PLCB1: variants seen among roughly 807,000 people sequenced by gnomAD.
PLCB1 encodes the protein 1-phosphatidylinositol 4,5-bisphosphate phosphodiesterase beta-1.
Under a neutral mutation model 161.8 loss-of-function variants are expected in PLCB1, and 46 were observed. That is an observed-to-expected ratio of 0.28 (90% CI 0.22 to 0.36). PLCB1 has a LOEUF of 0.36. Ranked by LOEUF, PLCB1 falls within the 10% of genes least tolerant of loss-of-function variation. PLCB1 has a pLI of 1.00. For synonymous variants in PLCB1, 517 were observed against 503.7 expected (o/e 1.03, Z -0.35); for missense variants, 1,016 against 1,472.5 (o/e 0.69, Z 5.07).
chr20:8,740,382 C>A lies in PLCB1; in HGVS notation c.2347C>A (p.Pro783Thr), dbSNP rs1980812475. 1.9e-6 allele frequency: 3 copies of A among 1,609,070 alleles called. No homozygotes were observed. The South Asian group carries it at 3.3e-5, about 18-fold the overall frequency. ...CTGTCTAAGGAATGAAAGGAACCAG[C>A]CTCTGACGCTGCCTGCTGTCTTTGT... ...YICLRNERNQ[P>T]LTLPAVFVYI... is the part of the protein sequence containing the mutation. The change falls in exon 22 of 32, where the codon CCT (proline) becomes ACT (threonine). Residue 783 changes from proline to threonine, a missense_variant. Physicochemically the swap from Pro to Thr is conservative, Grantham distance 38. Around this residue, in one of 10 missense-constraint regions of PLCB1, gnomAD observed 75 missense variants for 117.0 expected, o/e 0.64. Coordinates refer to ENST00000338037, the MANE Select transcript of PLCB1 (RefSeq NM_015192.4).
rs111947088 is a variant in PLCB1, at chr20:8,267,053, A to G, written c.178-104329A>G. Among the ~76,000 whole-genome samples the G allele has an allele frequency of 1.6e-3, 240 of 147,084 alleles. 1 individual carries two copies. The highest frequency in any genetic ancestry group is 4.0e-3 in the African/African-American group (150 of 37,932). On this transcript the variant is annotated intron_variant, in intron 2 of 31. Coordinates refer to ENST00000338037, the MANE Select transcript of PLCB1 (RefSeq NM_015192.4). The stretch of plus-strand genomic sequence containing the variant: ...ACTTCGTCTAAAAAAAAAAAAAGGG[A>G]AAAAAAAAGAATGGGTACATCTGGG...
intron 2 of PLCB1, among the ~76,000 whole-genome samples, chr20:8,198,652 T>G (rs2052055614): frequency 6.6e-6 from 1 of 152,042 alleles, no homozygotes; most frequent in Admixed American, 6.6e-5. Context: ...CCGTATTTCT[T>G]TTCTTTTTTT....
intron 3 of PLCB1, among the ~76,000 whole-genome samples, chr20:8,486,787 G>T (rs1266697214): frequency 2.0e-5 from 3 of 152,092 alleles, no homozygotes; most frequent in Non-Finnish European, 4.4e-5. Context: ...GAGCCACCGC[G>T]CCCGGCCTCC....
chr20:8,407,994 G>T (rs1978861269), intron 3 of PLCB1, among the ~76,000 whole-genome samples: 1 of 152,162 alleles, frequency 6.6e-6, no homozygotes, highest in South Asian at 2.1e-4. Context: ...GGCATGATGA[G>T]TAAATGCAAT....
chr20:8,585,234 A>C (rs1986953796), intron 3 of PLCB1, among the ~76,000 whole-genome samples: 1 of 152,124 alleles, frequency 6.6e-6, no homozygotes, highest in East Asian at 1.9e-4. Flanking sequence ...AGGTCTTTTC[A>C]GACATTCCTT....
chr20:8,457,716 A>G (rs2018356), intron 3 of PLCB1, among the ~76,000 whole-genome samples: 224 of 30,804 alleles, frequency 7.3e-3, no homozygotes, highest in South Asian at 0.015. Context: ...GTGTGCGCGC[A>G]CACACACACA....
rs3886935 is a variant in PLCB1, at chr20:8,760,600, C to T, written c.2710+140C>T. 536,886 of 567,132 alleles carry T rather than the reference C, an allele frequency of 0.95. 254,868 individuals carry two copies. The highest frequency in any genetic ancestry group is 1 in the East Asian group (33,790 of 33,810). The allele number at this position is 567,132 out of a possible 1,614,324, so 35.1% of individuals were successfully genotyped here. On this transcript the variant is annotated intron_variant, in intron 25 of 31. Coordinates refer to ENST00000338037, the MANE Select transcript of PLCB1 (RefSeq NM_015192.4). ...TTCTTCTAAAAAATCTAGAGACATA[C>T]ACTTTTAGTTTAGTCTACATGATAT...
chr20:8,542,584 G>A (rs769053495), intron 3 of PLCB1, among the ~76,000 whole-genome samples: 4 of 152,132 alleles, frequency 2.6e-5, no homozygotes, highest in African/African-American at 7.2e-5. Context: ...TGTTGAGAGC[G>A]GGGGAGAAAA....
intron 4 of PLCB1, among the ~76,000 whole-genome samples, chr20:8,638,951 T>G (rs1022625670): frequency 6.6e-6 from 1 of 151,358 alleles, no homozygotes; most frequent in Non-Finnish European, 1.5e-5. Context: ...ATTTTTAATT[T>G]GTGTTTTGTT....
At chr20:8,453,991 ACT>A (rs1432077578) in intron 3 of PLCB1, among the ~76,000 whole-genome samples, 1 of 152,132 alleles carries the variant, frequency 6.6e-6, no homozygotes, top group African/African-American at 2.4e-5. Flanking sequence ...GAGCTCACTC[ACT>A]CTGTGCACAC....
chr20:8,173,952 A>G (rs1468790482), intron 2 of PLCB1, among the ~76,000 whole-genome samples: 4 of 152,200 alleles, frequency 2.6e-5, no homozygotes, highest in Non-Finnish European at 1.5e-5. Flanking sequence ...TCTGAACAAC[A>G]GAAGAGATAA....
chr20:8,276,745 G>A (rs1374746726), intron 2 of PLCB1, among the ~76,000 whole-genome samples: 1 of 151,956 alleles, frequency 6.6e-6, no homozygotes, highest in Non-Finnish European at 1.5e-5. Context: ...CATCCTTTGT[G>A]CCCATCTTCA....
chr20:8,148,792 A>C (rs189565131), intron 1 of PLCB1, among the ~76,000 whole-genome samples: 2 of 152,346 alleles, frequency 1.3e-5, no homozygotes, highest in East Asian at 1.9e-4. Context: ...TAAGCCAAAC[A>C]CAAAAGGACA....
chr20:8,681,111 TATATATATA>T lies in PLCB1; in HGVS notation c.863-3810_863-3802del, dbSNP rs1380345952. On this transcript the variant is annotated intron_variant, in intron 9 of 31. Coordinates refer to ENST00000338037, the MANE Select transcript of PLCB1 (RefSeq NM_015192.4). The stretch of plus-strand genomic sequence containing the variant: ...GTATATATATATATATATATATATA[TATATATATA>T]ATATATATAAAATCAGTGTCTCATA... Among the ~76,000 whole-genome samples, 18 of 111,486 alleles carry T rather than the reference TATATATATA, an allele frequency of 1.6e-4. 1 individual carries two copies. The highest frequency in any genetic ancestry group is 7.1e-4 in the African/African-American group (17 of 24,052). The allele number at this position is 111,486 out of a possible 152,430, so 73.1% of individuals were successfully genotyped here.
At chr20:8,343,393 G>A (rs930449285) in intron 2 of PLCB1, among the ~76,000 whole-genome samples, 2 of 152,154 alleles carry the variant, frequency 1.3e-5, no homozygotes, top group Non-Finnish European at 2.9e-5. Flanking sequence ...GTCTAGGATG[G>A]TGCCCCAGAA....
intron 11 of PLCB1, among the ~76,000 whole-genome samples, chr20:8,701,818 T>G (rs1477360449): frequency 6.6e-6 from 1 of 152,206 alleles, no homozygotes; most frequent in African/African-American, 2.4e-5. Context: ...CCTCTGCTCA[T>G]CAGATAAGTG....
chr20:8,781,414 ACAAAC>A (rs1983225028), intron 27 of PLCB1, among the ~76,000 whole-genome samples: 2 of 21,500 alleles, frequency 9.3e-5, no homozygotes, highest in African/African-American at 1.9e-4. Flanking sequence ...ACACACACAC[ACAAAC>A]ACACACACAC....
intron 2 of PLCB1, among the ~76,000 whole-genome samples, chr20:8,189,095 T>A (rs2051937508): frequency 1.3e-5 from 2 of 151,976 alleles, no homozygotes; most frequent in South Asian, 4.1e-4. Flanking sequence ...TTTGACTGTT[T>A]CCTTCTAGGA....
chr20:8,875,731 T>C (rs766118934), intron 31 of PLCB1, among the ~76,000 whole-genome samples: 7 of 151,896 alleles, frequency 4.6e-5, no homozygotes, highest in Admixed American at 1.3e-4. Context: ...TGTGGCTTAT[T>C]GTTCTCTGGT....
Sources: gnomAD v4.1 joint callset for allele counts (sites outside exome capture counted in the v4.1 genomes callset) on GRCh38, gnomAD v4.1.1 for gene constraint, gnomAD v4.1.1 regional missense constraint, MANE v1.5 for transcripts, NCBI Gene and HGNC (gene_info 2026-07-23, HGNC 2026-07-21) for gene names.